Variants in CFAP418 observed in about 807,000 individuals in gnomAD.
The protein encoded by CFAP418 is cilia and flagella associated protein 418.
In CFAP418, 27 loss-of-function variants were observed where a neutral mutation model predicts 24.7. The observed-to-expected ratio is 1.09, with a 90% CI of 0.81 to 1.51. The LOEUF (loss-of-function observed/expected upper bound fraction) is 1.51, where lower values mean the gene tolerates loss of function less well. Among genes scored for constraint, CFAP418 ranks in the 40% most tolerant of loss-of-function variants. The pLI is 0.00. For synonymous variants in CFAP418, 74 were observed against 87.3 expected (o/e 0.85, Z 0.85); for missense variants, 257 against 255.2 (o/e 1.01, Z -0.05).
At chr8:95,266,873 C>T (rs1218954876) in intron 1 of CFAP418, among the ~76,000 whole-genome samples, 2 of 152,148 alleles carry the variant, frequency 1.3e-5, no homozygotes, top group Admixed American at 1.3e-4. Flanking sequence ...ATGACACAAC[C>T]CATGGTTGGA....
chr8:95,249,468 G>C (rs1195564841), intron 5 of CFAP418, among the ~76,000 whole-genome samples: 1 of 152,142 alleles, frequency 6.6e-6, no homozygotes, highest in African/African-American at 2.4e-5. Flanking sequence ...TTCGAGACCA[G>C]CATGGGCAAC....
At chr8:95,268,972 G>T in intron 1 of CFAP418, 63 bp downstream of exon 1, 1 of 1,534,944 alleles carries the variant, frequency 6.5e-7, no homozygotes, top group Non-Finnish European at 8.8e-7. Context: ...GGCGGCGGAG[G>T]GGCAGCTCTA....
intron 4 of CFAP418, among the ~76,000 whole-genome samples, chr8:95,257,765 C>A (rs1374292348): frequency 6.6e-6 from 1 of 152,112 alleles, no homozygotes; most frequent in African/African-American, 2.4e-5. Context: ...GTACATAATA[C>A]TTGATAATGA....
At chr8:95,258,413 A>G (rs1554558271) in intron 4 of CFAP418, among the ~76,000 whole-genome samples, 3 of 151,090 alleles carry the variant, frequency 2.0e-5, no homozygotes, top group Non-Finnish European at 4.4e-5. Context: ...GTAAAAAACA[A>G]TGAAACAATA....
At chr8:95,265,191 GC>G (rs1811957905) in intron 1 of CFAP418, among the ~76,000 whole-genome samples, 3 of 152,148 alleles carry the variant, frequency 2.0e-5, no homozygotes, top group Admixed American at 2.0e-4. Context: ...CCCACTAGAT[GC>G]TATTAAATAA....
At chr8:95,261,704 A>AAGATCATG (rs1339259252) in intron 2 of CFAP418, among the ~76,000 whole-genome samples, 2 of 152,200 alleles carry the variant, frequency 1.3e-5, no homozygotes, top group African/African-American at 4.8e-5. Flanking sequence ...AAAAAAGGAA[A>AAGATCATG]AGATCATGAT....
intron 2 of CFAP418, among the ~76,000 whole-genome samples, chr8:95,262,189 G>T (rs1377845066): frequency 5.3e-5 from 8 of 152,144 alleles, no homozygotes; most frequent in African/African-American, 1.9e-4. Context: ...GAGTATGTAT[G>T]GATTTTGGTA....
chr8:95,259,070 A>G (rs1188144344), intron 4 of CFAP418, among the ~76,000 whole-genome samples: 3 of 152,240 alleles, frequency 2.0e-5, no homozygotes, highest in Non-Finnish European at 4.4e-5. Context: ...TGTGGTCAAC[A>G]TGCAATCATA....
intron 4 of CFAP418, among the ~76,000 whole-genome samples, chr8:95,255,396 T>C (rs1811772258): frequency 6.6e-6 from 1 of 152,216 alleles, no homozygotes. Context: ...CTGGCTCCAA[T>C]GGTCACCTCT....
intron 2 of CFAP418, among the ~76,000 whole-genome samples, chr8:95,261,246 G>A (rs751498443): frequency 1.3e-5 from 2 of 152,130 alleles, no homozygotes; most frequent in Non-Finnish European, 2.9e-5. Flanking sequence ...TTACATAGTG[G>A]GTGAGGAAAT....
In CFAP418 at chr8:95,246,472, TAAG is replaced by T. The variant is rs1390792926; in HGVS notation, c.*1142_*1144del. The T allele has an allele frequency of 6.6e-6, 1 of 152,228 alleles. No homozygotes were observed. Among genetic ancestry groups the T allele is most frequent in the African/African-American group, 2.4e-5 (1 of 41,462 alleles). 9.4% of individuals were successfully genotyped at this position (152,228 alleles called of 1,614,324 possible). On this transcript the variant is annotated 3_prime_UTR_variant, in exon 6 of 6. Transcript: ENST00000286688. Reference sequence around the variant, plus strand: ...GGCTGGAATAAATTTAGCATAAGACTAAGAAGATTATAACTTTGTTTCAATTAT... The same window carrying T: ...GGCTGGAATAAATTTAGCATAAGACTAAGATTATAACTTTGTTTCAATTAT...
At chr8:95,262,774 G>T (rs75473888) in intron 2 of CFAP418, among the ~76,000 whole-genome samples, 7,227 of 152,158 alleles carry the variant, frequency 0.047, 242 homozygotes, top group East Asian at 0.13. Flanking sequence ...ATGGGTAAAA[G>T]AAGCCATGTA....
chr8:95,268,890 G>A (rs968747490), intron 1 of CFAP418, 145 bp downstream of exon 1: 4 of 841,664 alleles, frequency 4.8e-6, no homozygotes, highest in African/African-American at 1.7e-5. Context: ...TGCCGCGGAG[G>A]GTAGGGCGCT....
chr8:95,260,662 G>T, intron 2 of CFAP418, 130 bp from the exon 3 acceptor site: 1 of 549,206 alleles, frequency 1.8e-6, no homozygotes, highest in Non-Finnish European at 3.0e-6. Flanking sequence ...TCATTTTTAA[G>T]TTTCTGAAAT....
rs35181539 is a variant in CFAP418, at chr8:95,247,826, TA to T, written c.471-57del. 0.17 allele frequency: 177,716 copies of T among 1,058,172 alleles called. 8 individuals carry two copies. The highest frequency in any genetic ancestry group is 0.26 in the East Asian group (7,898 of 30,286). The allele number at this position is 1,058,172 out of a possible 1,614,324, so 65.5% of individuals were successfully genotyped here. A position where few individuals can be genotyped will look rare whatever the true frequency, so the allele number is the denominator to read the frequency against. ...GTGGCTTTGTTCAGTGCTTAATGATTAAAAAAAAAAAAAAAGGTCATTGCTT... is the reference window on the plus strand; with the variant it reads ...GTGGCTTTGTTCAGTGCTTAATGATTAAAAAAAAAAAAAAGGTCATTGCTT... On this transcript the variant is annotated intron_variant, in intron 5 of 5. Coordinates refer to ENST00000286688, the MANE Select transcript of CFAP418 (RefSeq NM_177965.4).
Position 95,247,407 on chromosome 8 carries a change from C to T in CFAP418, c.*210G>A, listed in dbSNP as rs1025032483. 4 of 547,380 alleles carry T rather than the reference C, an allele frequency of 7.3e-6. No individual in the cohort carries two copies. The African/African-American group carries it at 7.7e-5, about 11-fold the overall frequency. 33.9% of individuals were successfully genotyped at this position (547,380 alleles called of 1,614,324 possible). On this transcript the variant is annotated 3_prime_UTR_variant, in exon 6 of 6. Coordinates refer to ENST00000286688, the MANE Select transcript of CFAP418 (RefSeq NM_177965.4). ...TGTAGATGCCTGTTACTAAGTGAAA[C>T]ATCCATGTATCAGGAATAATTCCAA...
chr8:95,250,675 G>A (rs1811692088), intron 5 of CFAP418, among the ~76,000 whole-genome samples: 1 of 152,108 alleles, frequency 6.6e-6, no homozygotes. Flanking sequence ...CCACTTATGG[G>A]GTAAAAAGTG....
chr8:95,258,198 T>G (rs972658501), intron 4 of CFAP418, among the ~76,000 whole-genome samples: 1 of 151,754 alleles, frequency 6.6e-6, no homozygotes, highest in Non-Finnish European at 1.5e-5. Flanking sequence ...CTGGATAACA[T>G]AGTGAAACCC....
Position 95,247,183 on chromosome 8 carries a change from T to C in CFAP418, c.*434A>G. On this transcript the variant is annotated 3_prime_UTR_variant, in exon 6 of 6. Coordinates refer to ENST00000286688, the MANE Select transcript of CFAP418 (RefSeq NM_177965.4). ...TTATGATCTTTGGCAACAAAAGATC[T>C]GACTGGAAGAAGTGTTGTAGACACC... 1 of 159,890 alleles carries C rather than the reference T, an allele frequency of 6.3e-6. No homozygotes were observed. Among genetic ancestry groups the C allele is most frequent in the South Asian group, 1.8e-4 (1 of 5,690 alleles). The allele number at this position is 159,890 out of a possible 1,614,324, so 9.9% of individuals were successfully genotyped here.
Sources: allele counts gnomAD v4.1 joint callset (sites outside exome capture counted in the v4.1 genomes callset), GRCh38; gene constraint gnomAD v4.1.1; transcripts MANE v1.5; gene names NCBI Gene and HGNC (gene_info 2026-07-23, HGNC 2026-07-21).